The following TAF1B variants were observed in gnomAD, a reference collection of about 807,000 sequenced individuals.
TAF1B encodes the protein TATA box-binding protein-associated factor RNA polymerase I subunit B.
In TAF1B, 61 loss-of-function variants were observed where a neutral mutation model predicts 83.9. The observed-to-expected ratio is 0.73, with a 90% CI of 0.59 to 0.90. The LOEUF (loss-of-function observed/expected upper bound fraction) is 0.90, where lower values mean the gene tolerates loss of function less well. TAF1B is among the 40% of genes least tolerant of loss of function. The pLI, the probability that TAF1B is intolerant of heterozygous loss-of-function variation, is 0.00. For synonymous variants in TAF1B, 221 were observed against 224.6 expected (o/e 0.98, Z 0.14); for missense variants, 625 against 677.0 (o/e 0.92, Z 0.85).
At position 9,876,238 on chromosome 2, in the gene TAF1B, A is replaced by G. The variant is rs374201280; in HGVS notation, c.707+220A>G. ...TGTAGTAGAAATTATAGTACTTACC[A>G]CACATGGGCTATTGGAAAATTAATT... is the stretch of plus-strand genomic sequence containing the variant. On this transcript the variant is annotated intron_variant, in intron 7 of 14. Transcript: ENST00000263663. Among the ~76,000 whole-genome samples, 40 of 152,346 alleles carry G rather than the reference A, an allele frequency of 2.6e-4. No homozygotes were observed. In the South Asian group the frequency reaches 8.3e-3, roughly 32 times the overall value.
intron 14 of TAF1B, among the ~76,000 whole-genome samples, chr2:9,927,022 G>GCCCCCCCCCCCCCCCCCCC (rs70948856): frequency 7.4e-6 from 1 of 135,840 alleles, no homozygotes. Flanking sequence ...CCCTCCCCCT[G>GCCCCCCCCCCCCCCCCCCC]CCCCCACCCC....
rs77757415 is a variant in TAF1B at position 9,907,581 on chromosome 2, G to C, written c.955+2575G>C. Among the ~76,000 whole-genome samples, 768 of 152,186 alleles carry C rather than the reference G, an allele frequency of 5.0e-3. 6 individuals carry two copies. The highest frequency in any genetic ancestry group is 0.018 in the African/African-American group (741 of 41,512). ...TGTCACACACACCCTGCCTGAGTAA[G>C]CGCTGCCCCTTTGATGGCCATGAAT... On this transcript the variant is annotated intron_variant, in intron 9 of 14. Coordinates refer to ENST00000263663, the MANE Select transcript of TAF1B (RefSeq NM_005680.3).
intron 8 of TAF1B, among the ~76,000 whole-genome samples, chr2:9,904,536 C>G (rs575476763): frequency 6.6e-6 from 1 of 152,272 alleles, no homozygotes; most frequent in East Asian, 1.9e-4. Flanking sequence ...CATGTCTTTG[C>G]TGTTGTAAAT....
intron 14 of TAF1B, among the ~76,000 whole-genome samples, chr2:9,930,109 C>A (rs188470176): frequency 1.5e-4 from 23 of 150,990 alleles, no homozygotes; most frequent in Non-Finnish European, 2.4e-4. Flanking sequence ...CAATTTTTTT[C>A]ATCTTTTCAA....
chr2:9,921,467 C>A (rs530350294), intron 14 of TAF1B, among the ~76,000 whole-genome samples: 1 of 152,082 alleles, frequency 6.6e-6, no homozygotes, highest in Non-Finnish European at 1.5e-5. Flanking sequence ...AGAGCACATT[C>A]GTTTTTCTTT....
chr2:9,862,748 G>C (rs941092669), intron 5 of TAF1B, among the ~76,000 whole-genome samples: 4 of 152,162 alleles, frequency 2.6e-5, no homozygotes, highest in Non-Finnish European at 5.9e-5. Context: ...CTGATCTCTC[G>C]GCAGAAACTC....
At chr2:9,847,712 G>A (rs1045395613) in intron 2 of TAF1B, among the ~76,000 whole-genome samples, 2 of 152,118 alleles carry the variant, frequency 1.3e-5, no homozygotes, top group South Asian at 2.1e-4. Flanking sequence ...AGAGTTTCAC[G>A]GATATTTAAA....
chr2:9,917,762 A>T (rs1167916043), intron 12 of TAF1B, among the ~76,000 whole-genome samples: 1 of 152,210 alleles, frequency 6.6e-6, no homozygotes, highest in Non-Finnish European at 1.5e-5. Flanking sequence ...TTGTCATTCA[A>T]GGTCATGCCA....
chr2:9,932,411 T>C (rs1666242200), intron 14 of TAF1B, among the ~76,000 whole-genome samples: 1 of 152,358 alleles, frequency 6.6e-6, no homozygotes, highest in Non-Finnish European at 1.5e-5. Flanking sequence ...TAGTTTTCCT[T>C]CTAACAGTCA....
intron 1 of TAF1B, among the ~76,000 whole-genome samples, chr2:9,844,030 C>T (rs994222811): frequency 6.6e-5 from 10 of 152,288 alleles, no homozygotes; most frequent in African/African-American, 2.4e-4. Flanking sequence ...GGGAACTCCC[C>T]AAATTGTCCA....
intron 8 of TAF1B, among the ~76,000 whole-genome samples, chr2:9,886,212 A>C (rs1287525226): frequency 6.6e-6 from 1 of 151,950 alleles, no homozygotes; most frequent in Non-Finnish European, 1.5e-5. Flanking sequence ...TTTGGATCAA[A>C]AAAAAAAAGA....
At chr2:9,911,811 A>G (rs1665542315) in intron 11 of TAF1B, among the ~76,000 whole-genome samples, 1 of 152,212 alleles carries the variant, frequency 6.6e-6, no homozygotes, top group South Asian at 2.1e-4. Context: ...CTCACCAGCC[A>G]TGCTAGATCA....
At chr2:9,851,165 A>G (rs1218256217) in intron 3 of TAF1B, among the ~76,000 whole-genome samples, 1 of 152,102 alleles carries the variant, frequency 6.6e-6, no homozygotes, top group Non-Finnish European at 1.5e-5. Flanking sequence ...TCTGCTGGGC[A>G]TTGTTCGGGA....
chr2:9,933,917 A>G lies in TAF1B; in HGVS notation c.1700A>G (p.Lys567Arg). The change falls in exon 15 of 15, where the codon AAA (lysine) becomes AGA (arginine). Residue 567 changes from lysine to arginine, a missense_variant. Transcript: ENST00000263663. The part of the protein sequence containing the change: ...LHEEVSLVEK[K>R]LFEKKYSVKR... ...GAAGAAGTGAGCTTAGTTGAGAAGA[A>G]ACTTTTTGAGAAAAAATACAGTGTA... 1 of 1,613,730 alleles carries G rather than the reference A, an allele frequency of 6.2e-7. No homozygotes were observed. Among genetic ancestry groups the G allele is most frequent in the Non-Finnish European group, 8.5e-7 (1 of 1,179,838 alleles).
At position 9,849,452 on chromosome 2, in the gene TAF1B, A is replaced by G. The variant is rs755182647; in HGVS notation, c.197A>G (p.Asn66Ser). Residue 66 changes from asparagine to serine, a missense_variant, in exon 3 of 15, where the codon AAC (asparagine) becomes AGC (serine). By Grantham distance (46) the Asn-to-Ser change is conservative. Coordinates refer to ENST00000263663, the MANE Select transcript of TAF1B (RefSeq NM_005680.3). Reference sequence around the variant, plus strand: ...CTCAACCGGGGGCTTAAAAAAAAAAACAATACTGGTAAGTTCTTTCTTCAT... The same window carrying G: ...CTCAACCGGGGGCTTAAAAAAAAAAGCAATACTGGTAAGTTCTTTCTTCAT... ...KALNRGLKKK[N>S]NTEKGWDWYV... is the part of the protein sequence containing the mutation. 1 of 1,553,370 alleles carries G rather than the reference A, an allele frequency of 6.4e-7. No homozygotes were observed.
At chr2:9,920,323 A>G (rs1246050181) in intron 14 of TAF1B, among the ~76,000 whole-genome samples, 4 of 152,232 alleles carry the variant, frequency 2.6e-5, no homozygotes, top group Non-Finnish European at 5.9e-5. Flanking sequence ...TAGCAGGATC[A>G]AGTTCAGGAG....
chr2:9,920,130 G>C (rs1395551644), intron 14 of TAF1B, among the ~76,000 whole-genome samples: 4 of 152,144 alleles, frequency 2.6e-5, no homozygotes, highest in African/African-American at 9.7e-5. Context: ...CTCTGAGTCA[G>C]TTACCTTTAT....
intron 4 of TAF1B, among the ~76,000 whole-genome samples, chr2:9,852,994 G>A (rs756395508): frequency 3.9e-5 from 6 of 152,232 alleles, no homozygotes; most frequent in Non-Finnish European, 7.3e-5. Flanking sequence ...AAATTCAGAA[G>A]CATGAAGCAA....
intron 8 of TAF1B, among the ~76,000 whole-genome samples, chr2:9,898,246 A>G (rs1665077001): frequency 6.6e-6 from 1 of 152,208 alleles, no homozygotes; most frequent in East Asian, 1.9e-4. Flanking sequence ...AGATTCTTAG[A>G]CCCAGTGTCA....
Sources: gnomAD v4.1 joint callset for allele counts (sites outside exome capture counted in the v4.1 genomes callset) on GRCh38, gnomAD v4.1.1 for gene constraint, MANE v1.5 for transcripts, NCBI Gene and HGNC (gene_info 2026-07-23, HGNC 2026-07-21) for gene names.